The following DUX4 variants were observed in gnomAD, a reference collection of about 807,000 sequenced individuals.
DUX4 encodes the protein double homeobox protein 4.
At chr4:190,178,812 T>TGACGAGATCTCTCACAATTCCCCTGTA (rs1742454137), downstream of DUX4, among the ~76,000 whole-genome samples, 1 of 145,414 alleles carries the variant, frequency 6.9e-6, no homozygotes, top group African/African-American at 2.5e-5. Flanking sequence ...GGGTGATCAG[T>TGACGAGATCTCTCACAATTCCCCTGTA]GGCGAGATCT....
At chr4:190,175,469 G>A (rs1178416798) in intron 1 of DUX4, among the ~76,000 whole-genome samples, 178 bp from the exon 2 acceptor site, 1 of 13,924 alleles carries the variant, frequency 7.2e-5, no homozygotes, top group Non-Finnish European at 1.9e-4. Context: ...CCCGTCCCGC[G>A]AAACACCGGG....
chr4:190,178,528 C>CT (rs1742430755), downstream of DUX4, among the ~76,000 whole-genome samples: 1 of 145,122 alleles, frequency 6.9e-6, no homozygotes, highest in Non-Finnish European at 1.6e-5. Flanking sequence ...GTTGCATCAC[C>CT]TGGGTGATCA....
downstream of DUX4, chr4:190,175,963 A>G (rs1391194362): frequency 1.8e-5 from 2 of 109,920 alleles, no homozygotes; most frequent in African/African-American, 5.3e-5. Context: ...TCAGAACTCC[A>G]TAGTAGACTG....
At chr4:190,178,984 T>C (rs1742468766), downstream of DUX4, among the ~76,000 whole-genome samples, 55 of 125,858 alleles carry the variant, frequency 4.4e-4, no homozygotes, top group Admixed American at 6.9e-4. Context: ...AGGCAGAGCC[T>C]AGACAAAAGC....
downstream of DUX4, among the ~76,000 whole-genome samples, chr4:190,176,170 A>G (rs1410130248): frequency 1.1e-4 from 12 of 109,090 alleles, 3 homozygotes; most frequent in Non-Finnish European, 1.5e-4. Context: ...CAAAGCCCCT[A>G]TAAGCCAAAC....
downstream of DUX4, among the ~76,000 whole-genome samples, chr4:190,180,012 G>A (rs1579836403): frequency 6.2e-5 from 9 of 145,408 alleles, no homozygotes; most frequent in Admixed American, 1.4e-4. Flanking sequence ...GCTTAAACTA[G>A]AGTTACATCA....
chr4:190,179,795 A>ACCG (rs1213740323), downstream of DUX4, among the ~76,000 whole-genome samples: 22 of 146,598 alleles, frequency 1.5e-4, no homozygotes, highest in Admixed American at 2.1e-4. Flanking sequence ...CCCTGTAGGC[A>ACCG]AGCCTACACA....
downstream of DUX4, among the ~76,000 whole-genome samples, chr4:190,179,473 TA>T (rs1742496347): frequency 6.7e-6 from 1 of 150,244 alleles, no homozygotes; most frequent in East Asian, 1.9e-4. Context: ...AGAGAAGAGT[TA>T]TATCACCTGG....
chr4:190,178,346 T>TGAGAA (rs1742419093), downstream of DUX4, among the ~76,000 whole-genome samples: 1 of 151,142 alleles, frequency 6.6e-6, no homozygotes, highest in African/African-American at 2.4e-5. Context: ...CAGAGATATG[T>TGAGAA]CACAATGTCC....
intron 1 of DUX4, among the ~76,000 whole-genome samples, chr4:190,181,397 GGT>G (rs1742568375): frequency 9.5e-4 from 7 of 7,372 alleles, no homozygotes; most frequent in African/African-American, 2.6e-3. Context: ...TACATCATCT[GGT>G]TGATCAGTAA....
downstream of DUX4, among the ~76,000 whole-genome samples, chr4:190,180,258 A>AT (rs1742539028): frequency 2.7e-3 from 1 of 376 alleles, no homozygotes; most frequent in Non-Finnish European, 5.7e-3. Context: ...ATATTTCACA[A>AT]TGCCCCTGCA....
downstream of DUX4, among the ~76,000 whole-genome samples, chr4:190,178,561 C>CTG (rs1742432817): frequency 7.3e-5 from 3 of 41,030 alleles, no homozygotes; most frequent in African/African-American, 4.4e-4. Flanking sequence ...TTCACAACGC[C>CTG]CCCTGTAGGC....
chr4:190,178,761 GC>G (rs1742448922), downstream of DUX4, among the ~76,000 whole-genome samples: 109 of 98,780 alleles, frequency 1.1e-3, no homozygotes, highest in South Asian at 2.2e-3. Flanking sequence ...ATGTCACAAA[GC>G]CCCCTGTAGG....
chr4:190,177,788 G>A (rs1579833318), downstream of DUX4, among the ~76,000 whole-genome samples: 1 of 148,124 alleles, frequency 6.8e-6, no homozygotes, highest in African/African-American at 2.5e-5. Context: ...GATCAGTGCA[G>A]AGTTATGTCA....
At chr4:190,183,033 G>C (rs1287097124) in intron 1 of DUX4, among the ~76,000 whole-genome samples, 49 of 34,432 alleles carry the variant, frequency 1.4e-3, no homozygotes, top group African/African-American at 2.3e-3. Flanking sequence ...GTTAGGGTTA[G>C]GGGTTAGGGT....
downstream of DUX4, among the ~76,000 whole-genome samples, chr4:190,178,692 A>G (rs2126574664): frequency 1.3e-5 from 2 of 151,434 alleles, no homozygotes; most frequent in East Asian, 2.0e-4. Context: ...GATATGTCAC[A>G]AAGCTCCTGT....
chr4:190,184,064 G>T (rs1349048394), intron 1 of DUX4, among the ~76,000 whole-genome samples: 4 of 129,624 alleles, frequency 3.1e-5, no homozygotes, highest in African/African-American at 7.4e-5. Flanking sequence ...GAGCAAAGGG[G>T]CTTCATCTTA....
intron 1 of DUX4, among the ~76,000 whole-genome samples, chr4:190,181,160 T>TCAGG (rs1742549036): frequency 1.4e-5 from 2 of 146,520 alleles, no homozygotes; most frequent in African/African-American, 2.5e-5. Context: ...AATGCCCCTT[T>TCAGG]AGGCAGAGCT....
At chr4:190,176,468 C>G (rs1742308756), downstream of DUX4, among the ~76,000 whole-genome samples, 2 of 109,326 alleles carry the variant, frequency 1.8e-5, no homozygotes, top group African/African-American at 2.7e-5. Context: ...ACAAGTGTTA[C>G]ATCACCTAGG....
Sources: gnomAD v4.1 joint callset for allele counts (sites outside exome capture counted in the v4.1 genomes callset) on GRCh38, gnomAD v4.1.1 for gene constraint, MANE v1.5 for transcripts, NCBI Gene and HGNC (gene_info 2026-07-23, HGNC 2026-07-21) for gene names.